The following BNC2 variants were observed in gnomAD, a reference collection of about 807,000 sequenced individuals.
The protein encoded by BNC2 is basonuclin zinc finger protein 2, also known as zinc finger protein basonuclin-2.
A neutral mutation model predicts 76.3 loss-of-function variants in BNC2; 20 were observed. The observed-to-expected ratio is 0.26, with a 90% CI of 0.18 to 0.38. The LOEUF is 0.38. Among genes scored for constraint, BNC2 ranks in the 10% least tolerant of loss-of-function variants. BNC2 has a pLI of 1.00. For missense variants in BNC2, 1,382 were observed against 1,399.8 expected, an observed-to-expected ratio of 0.99 and a Z score of 0.20; for synonymous variants, 582 against 514.8, an observed-to-expected ratio of 1.13 and a Z score of -1.77.
intron 5 of BNC2, among the ~76,000 whole-genome samples, chr9:16,477,814 G>C (rs776790212): frequency 1.3e-5 from 2 of 152,162 alleles, no homozygotes; most frequent in Non-Finnish European, 2.9e-5. Context: ...CATCCTCAGA[G>C]TAGGCCTGGA....
chr9:16,456,035 G>C (rs1821441081), intron 5 of BNC2, among the ~76,000 whole-genome samples: 1 of 140,116 alleles, frequency 7.1e-6, no homozygotes. Flanking sequence ...ACAGGTAGCT[G>C]ATTTTCTAAA....
At chr9:16,435,147 T>TAAAAAA (rs1820979944) in intron 6 of BNC2, 1 of 438,944 alleles carries the variant, frequency 2.3e-6, no homozygotes, top group Non-Finnish European at 4.6e-6. Flanking sequence ...CTGATTTAAT[T>TAAAAAA]AAAAAGCCAC....
intron 5 of BNC2, among the ~76,000 whole-genome samples, chr9:16,536,294 C>T (rs1818128269): frequency 6.6e-6 from 1 of 152,088 alleles, no homozygotes; most frequent in Admixed American, 6.6e-5. Context: ...TTGTTAAAGG[C>T]ATGCAACATT....
intron 1 of BNC2, among the ~76,000 whole-genome samples, chr9:16,740,084 G>A (rs968195769): frequency 2.0e-5 from 3 of 152,172 alleles, no homozygotes; most frequent in Non-Finnish European, 2.9e-5. Flanking sequence ...AAGACAGAAG[G>A]AACAGCGTTA....
At position 16,435,990 on chromosome 9, in the gene BNC2, T is replaced by C. The variant is rs2130850264; in HGVS notation, c.2204A>G (p.Glu735Gly). ...GTGCTCATCCCCTTCCATGGATTCC[T>C]CGCCCAGTTTGGGCTCCGAAGACTC... The part of the protein sequence containing the change: ...ESESSEPKLG[E>G]ESMEGDEHIH... Residue 735 changes from glutamate to glycine, a missense_variant, in exon 6 of 7, where the codon GAG becomes GGG. Glu to Gly is a moderately conservative substitution (Grantham distance 98, BLOSUM62 -2). This residue lies in a region of BNC2 where 798 missense variants were observed against 775.5 expected (regional missense o/e 1.03). Transcript: ENST00000380672. 1.2e-6 allele frequency: 2 copies of C among 1,614,202 alleles called. No individual in the cohort carries two copies. Among genetic ancestry groups the C allele is most frequent in the East Asian group, 2.2e-5 (1 of 44,866 alleles).
chr9:16,591,715 C>A (rs1819935042), intron 3 of BNC2, among the ~76,000 whole-genome samples: 1 of 152,028 alleles, frequency 6.6e-6, no homozygotes, highest in African/African-American at 2.4e-5. Context: ...AAATGAGAAA[C>A]AATGAAGTTA....
intron 4 of BNC2, among the ~76,000 whole-genome samples, chr9:16,575,986 C>T (rs1488858158): frequency 6.6e-6 from 1 of 152,196 alleles, no homozygotes; most frequent in African/African-American, 2.4e-5. Flanking sequence ...ACGAGTGCAC[C>T]AAGGGAAGAA....
chr9:16,429,772 T>C (rs1820870311), intron 6 of BNC2: 2 of 320,874 alleles, frequency 6.2e-6, no homozygotes, highest in East Asian at 7.8e-5. Flanking sequence ...TCGTCAGCCA[T>C]GAAGCTTTGT....
intron 3 of BNC2, among the ~76,000 whole-genome samples, chr9:16,718,492 T>C (rs1824055106): frequency 6.6e-6 from 1 of 152,180 alleles, no homozygotes; most frequent in African/African-American, 2.4e-5. Flanking sequence ...CAAAAGTTGC[T>C]AGAAAGGGAA....
chr9:16,602,618 A>T (rs1276855452), intron 3 of BNC2, among the ~76,000 whole-genome samples: 2 of 152,362 alleles, frequency 1.3e-5, no homozygotes, highest in Non-Finnish European at 2.9e-5. Flanking sequence ...CCCTGGGCCG[A>T]GAGCAATGCC....
intron 4 of BNC2, 104 bp from the exon 5 acceptor site, chr9:16,552,869 T>G (rs1363727288): frequency 1.3e-5 from 12 of 898,994 alleles, no homozygotes; most frequent in African/African-American, 1.3e-4. Flanking sequence ...GGGCTCCATT[T>G]CTACACATGA....
intron 5 of BNC2, among the ~76,000 whole-genome samples, chr9:16,518,955 G>A (rs750542223): frequency 1.3e-5 from 2 of 152,154 alleles, no homozygotes; most frequent in Non-Finnish European, 2.9e-5. Flanking sequence ...ATATAGTTTG[G>A]TGAGTCAAAC....
chr9:16,639,085 A>T (rs1342279505), intron 3 of BNC2, among the ~76,000 whole-genome samples: 1 of 152,184 alleles, frequency 6.6e-6, no homozygotes, highest in East Asian at 1.9e-4. Context: ...ATTTTCCCTC[A>T]AAAGAAACTT....
At chr9:16,728,449 C>T (rs1382989644) in intron 2 of BNC2, among the ~76,000 whole-genome samples, 3 of 152,230 alleles carry the variant, frequency 2.0e-5, no homozygotes, top group South Asian at 2.1e-4. Context: ...GGCCCTTCCC[C>T]GGGAATTTTT....
chr9:16,524,216 A>G (rs1178638744), intron 5 of BNC2, among the ~76,000 whole-genome samples: 1 of 152,218 alleles, frequency 6.6e-6, no homozygotes, highest in Non-Finnish European at 1.5e-5. Flanking sequence ...ACCCCTTTGA[A>G]ACTGCTACCA....
At position 16,552,732 on chromosome 9, in the gene BNC2, T is replaced by G; in HGVS notation, c.467A>C (p.His156Pro). 1 of 1,613,908 alleles carries G rather than the reference T, an allele frequency of 6.2e-7. No individual in the cohort carries two copies. The highest frequency in any genetic ancestry group is 8.5e-7 in the Non-Finnish European group (1 of 1,179,950). The change falls in exon 5 of 7, where the codon CAC (histidine) becomes CCC (proline). Residue 156 changes from histidine (H) to proline (P), a missense_variant. Physicochemically the swap from His to Pro is moderately conservative, Grantham distance 77. Transcript: ENST00000380672. ...LDKLSTQHLY[H>P]PTQVEIVQSN... Reference sequence around the variant, plus strand: ...CTGCACAATCTCCACTTGGGTGGGGTGGTACAGGTGCTGCGTGCTGAGCTT... The same window carrying G: ...CTGCACAATCTCCACTTGGGTGGGGGGGTACAGGTGCTGCGTGCTGAGCTT...
chr9:16,671,792 T>G (rs984026198), intron 3 of BNC2, among the ~76,000 whole-genome samples: 4 of 152,178 alleles, frequency 2.6e-5, no homozygotes, highest in Admixed American at 6.5e-5. Context: ...GTTTTAACAC[T>G]GGTTTGACAA....
chr9:16,631,321 CA>C, intron 3 of BNC2, among the ~76,000 whole-genome samples: 1 of 152,146 alleles, frequency 6.6e-6, no homozygotes, highest in East Asian at 1.9e-4. Flanking sequence ...AAAACACTCC[CA>C]TAAAATAAGA....
intron 1 of BNC2, among the ~76,000 whole-genome samples, chr9:16,868,501 T>C (rs1017239337): frequency 6.6e-6 from 1 of 152,214 alleles, no homozygotes; most frequent in African/African-American, 2.4e-5. Context: ...TAAAATATAA[T>C]GCACAGTTTA....
Sources: gnomAD v4.1 joint callset for allele counts (sites outside exome capture counted in the v4.1 genomes callset) on GRCh38, gnomAD v4.1.1 for gene constraint, gnomAD v4.1.1 regional missense constraint, MANE v1.5 for transcripts, NCBI Gene and HGNC (gene_info 2026-07-23, HGNC 2026-07-21) for gene names.